Variants in RPS6KA2 observed in about 807,000 individuals in gnomAD.
RPS6KA2 encodes ribosomal protein S6 kinase A2.
In RPS6KA2, 42 loss-of-function variants were observed where a neutral mutation model predicts 91.8. The ratio of observed to expected loss-of-function variants is 0.46; its 90% CI spans 0.36 to 0.59. The LOEUF (loss-of-function observed/expected upper bound fraction) is 0.59, where lower values mean the gene tolerates loss of function less well. RPS6KA2 is among the 20% of genes least tolerant of loss of function. The pLI is 0.00. For missense variants in RPS6KA2, 798 were observed against 978.5 expected, an observed-to-expected ratio of 0.82 and a Z score of 2.46; for synonymous variants, 414 against 393.6, an observed-to-expected ratio of 1.05 and a Z score of -0.61.
At chr6:166,669,708 C>T (rs934837347) in intron 2 of RPS6KA2, among the ~76,000 whole-genome samples, 4 of 152,186 alleles carry the variant, frequency 2.6e-5, no homozygotes, top group Non-Finnish European at 5.9e-5. Context: ...CCTGACCCAC[C>T]GCGTTTGCTC....
At chr6:166,425,139 T>TA (rs1363862644) in intron 16 of RPS6KA2, among the ~76,000 whole-genome samples, 1 of 152,234 alleles carries the variant, frequency 6.6e-6, no homozygotes, top group East Asian at 1.9e-4. Context: ...CAAATGTTCC[T>TA]AACTAGCCCT....
intron 1 of RPS6KA2, among the ~76,000 whole-genome samples, chr6:166,605,718 T>C (rs116673693): frequency 2.0e-5 from 3 of 151,634 alleles, no homozygotes; most frequent in African/African-American, 7.3e-5. Flanking sequence ...CAGATACACC[T>C]CCCTCCACAC....
At chr6:166,586,100 T>C in intron 1 of RPS6KA2, 1 of 1,325,402 alleles carries the variant, frequency 7.5e-7, no homozygotes, top group South Asian at 1.4e-5. Context: ...ATGCTTTTAC[T>C]AAAAGCTGCC....
At chr6:166,581,855 G>A (rs1436271026) in intron 1 of RPS6KA2, among the ~76,000 whole-genome samples, 6 of 146,270 alleles carry the variant, frequency 4.1e-5, no homozygotes, top group African/African-American at 1.5e-4. Flanking sequence ...ACGCCCACTC[G>A]GCAGGTGGGC....
intron 2 of RPS6KA2, among the ~76,000 whole-genome samples, chr6:166,679,169 T>G (rs894962479): frequency 1.2e-4 from 18 of 152,082 alleles, no homozygotes; most frequent in Admixed American, 6.5e-4. Context: ...TAATAAATAT[T>G]GTCACCGGGC....
intron 17 of RPS6KA2, among the ~76,000 whole-genome samples, chr6:166,421,738 C>A (rs1778727884): frequency 6.6e-6 from 1 of 152,144 alleles, no homozygotes; most frequent in Admixed American, 6.5e-5. Context: ...TAATAAACTT[C>A]TTTTTCTCTT....
intron 19 of RPS6KA2, among the ~76,000 whole-genome samples, chr6:166,417,662 T>C (rs998749900): frequency 8.6e-5 from 13 of 150,590 alleles, no homozygotes; most frequent in African/African-American, 3.2e-4. Flanking sequence ...CGCACGCATG[T>C]TCTGTTTGTT....
chr6:166,504,003 T>TGAGTAGAGG (rs912525123), intron 6 of RPS6KA2, among the ~76,000 whole-genome samples: 1 of 152,182 alleles, frequency 6.6e-6, no homozygotes, highest in Non-Finnish European at 1.5e-5. Flanking sequence ...GACAAGTAAC[T>TGAGTAGAGG]GAGTAGAGGT....
At chr6:166,728,225 C>T (rs1790400063) in intron 2 of RPS6KA2, among the ~76,000 whole-genome samples, 1 of 152,156 alleles carries the variant, frequency 6.6e-6, no homozygotes, top group Admixed American at 6.5e-5. Context: ...GGTGGGTGCT[C>T]ATCTGTACGA....
At chr6:166,656,606 G>A (rs1483156192) in intron 2 of RPS6KA2, among the ~76,000 whole-genome samples, 3 of 152,252 alleles carry the variant, frequency 2.0e-5, no homozygotes, top group East Asian at 1.9e-4. Context: ...TCTGGGATGC[G>A]AAGATGGATG....
chr6:166,773,330 GCC>G (rs1446011140), intron 2 of RPS6KA2, among the ~76,000 whole-genome samples: 3 of 152,146 alleles, frequency 2.0e-5, no homozygotes, highest in African/African-American at 7.2e-5. Context: ...GGGAGTCAGA[GCC>G]CCCACAGGAA....
intron 2 of RPS6KA2, among the ~76,000 whole-genome samples, chr6:166,783,395 A>G (rs1353416841): frequency 5.3e-5 from 8 of 152,090 alleles, no homozygotes. Flanking sequence ...AGACTAGAAC[A>G]TCTACTCCCA....
intron 1 of RPS6KA2, among the ~76,000 whole-genome samples, chr6:166,598,682 G>A (rs910036588): frequency 1.2e-4 from 18 of 152,194 alleles, no homozygotes; most frequent in South Asian, 6.2e-4. Flanking sequence ...TTCCCGTTGC[G>A]TCAGGAATAG....
rs1782133015 is a variant in RPS6KA2 at position 166,504,630 on chromosome 6, A to G, written c.460-18T>C. 3 of 1,535,590 alleles carry G rather than the reference A, an allele frequency of 2.0e-6. No individual in the cohort carries two copies. The highest frequency in any genetic ancestry group is 2.7e-6 in the Non-Finnish European group (3 of 1,118,168). On this transcript the variant is annotated intron_variant, in intron 5 of 20. Transcript: ENST00000265678. The stretch of plus-strand genomic sequence containing the variant: ...AACATGACCTAGTAAGAAAAAAACA[A>G]AAACAAAAACAAAAAACGTTTAACT...
intron 14 of RPS6KA2, among the ~76,000 whole-genome samples, chr6:166,447,173 C>T (rs1365629939): frequency 6.6e-6 from 1 of 152,220 alleles, no homozygotes; most frequent in Non-Finnish European, 1.5e-5. Context: ...GAGGCAACCA[C>T]TTCATAACAA....
chr6:166,702,331 C>A (rs1789549529), intron 2 of RPS6KA2: 1 of 1,613,240 alleles, frequency 6.2e-7, no homozygotes, highest in Non-Finnish European at 8.5e-7. Context: ...CTCGGGGCTG[C>A]AGAAAGGGGT....
chr6:166,568,743 C>A lies in RPS6KA2; in HGVS notation c.100-29959G>T, dbSNP rs188753490. On this transcript the variant is annotated intron_variant, in intron 1 of 20. Transcript: ENST00000265678. ...ACCCCACTAACCAGGCAGAGCCCTG[C>A]CCTGGAGGTGACTGTGCTTGTCCCT... Among the ~76,000 whole-genome samples the A allele has an allele frequency of 4.3e-3, 654 of 151,728 alleles. 1 individual carries two copies. Among genetic ancestry groups the A allele is most frequent in the Non-Finnish European group, 7.1e-3 (484 of 67,982 alleles).
chr6:166,748,290 CT>C (rs1332206057), intron 2 of RPS6KA2, among the ~76,000 whole-genome samples: 3 of 152,258 alleles, frequency 2.0e-5, no homozygotes, highest in African/African-American at 7.2e-5. Flanking sequence ...CATGCTCCCA[CT>C]GCCAGCGCCA....
chr6:166,534,017 T>C (rs936784468), intron 2 of RPS6KA2, among the ~76,000 whole-genome samples: 4 of 151,890 alleles, frequency 2.6e-5, no homozygotes, highest in Non-Finnish European at 5.9e-5. Flanking sequence ...GGTCAGGAGA[T>C]TGAGACCATT....
Sources: allele counts gnomAD v4.1 joint callset (sites outside exome capture counted in the v4.1 genomes callset), GRCh38; gene constraint gnomAD v4.1.1; transcripts MANE v1.5; gene names NCBI Gene and HGNC (gene_info 2026-07-23, HGNC 2026-07-21).